Variants in TECPR2 observed in about 807,000 individuals in gnomAD.
TECPR2 encodes the protein tectonin beta-propeller repeat-containing protein 2.
A neutral mutation model predicts 138.1 loss-of-function variants in TECPR2; 65 were observed. The observed-to-expected ratio is 0.47, with a 90% confidence interval of 0.39 to 0.58. TECPR2 has a LOEUF of 0.58. Among genes scored for constraint, TECPR2 ranks in the 20% least tolerant of loss-of-function variants. The pLI is 0.00. For synonymous variants in TECPR2, 746 were observed against 749.8 expected (o/e 0.99, Z 0.08); for missense variants, 1,553 against 1,824.5 (o/e 0.85, Z 2.71).
chr14:102,366,280 G>C (rs893319894), intron 1 of TECPR2, among the ~76,000 whole-genome samples: 1 of 152,136 alleles, frequency 6.6e-6, no homozygotes, highest in Non-Finnish European at 1.5e-5. Context: ...GGATGCCATA[G>C]GGTGGTGTTT....
rs748689796 is a variant in TECPR2 at position 102,497,101 on chromosome 14, C to G, written c.3912C>G (p.Thr1304=). 6.2e-7 allele frequency: 1 copy of G among 1,612,022 alleles called. No homozygotes were observed. Among genetic ancestry groups the G allele is most frequent in the Non-Finnish European group, 8.5e-7 (1 of 1,179,918 alleles). ...TGITEEMPVG[T]AWEHVPGLQA... is the part of the protein sequence containing the mutation. ...TCACCGAGGAGATGCCTGTGGGGAC[C>G]GCCTGGGAGCATGTGCCAGGTAGGA... The change falls in exon 18 of 20, where the codon ACC becomes ACG. Residue 1304 remains threonine, a synonymous_variant. Coordinates refer to ENST00000359520, the MANE Select transcript of TECPR2 (RefSeq NM_014844.5).
rs756015910 is a variant in TECPR2, at chr14:102,438,217, C to T, written c.2578+12C>T. ...AGTCTCGCCCTCAGGTTCGCCTCCC[C>T]GCTCCCTGCTCCCGCTCCCTGCTCC... On this transcript the variant is annotated intron_variant, in intron 10 of 19. Transcript: ENST00000359520. 7 of 871,482 alleles carry T rather than the reference C, an allele frequency of 8.0e-6. No homozygotes were observed. Among genetic ancestry groups the T allele is most frequent in the East Asian group, 3.1e-5 (1 of 32,644 alleles). The allele number at this position is 871,482 out of a possible 1,614,324, so 54.0% of individuals were successfully genotyped here.
At chr14:102,424,920 A>T in intron 5 of TECPR2, 59 bp from the exon 6 acceptor site, 2 of 1,490,392 alleles carry the variant, frequency 1.3e-6, no homozygotes, top group South Asian at 2.6e-5. Flanking sequence ...TGACAACTGC[A>T]TTACTTTAAA....
chr14:102,434,030 T>C (rs2139730068), intron 8 of TECPR2, among the ~76,000 whole-genome samples: 1 of 152,300 alleles, frequency 6.6e-6, no homozygotes, highest in African/African-American at 2.4e-5. Context: ...TTAGCTGCCC[T>C]CAAACCCATG....
At chr14:102,448,686 T>G (rs150805916) in intron 13 of TECPR2, among the ~76,000 whole-genome samples, 1 of 150,844 alleles carries the variant, frequency 6.6e-6, no homozygotes, top group African/African-American at 2.4e-5. Context: ...GCCAACATGG[T>G]GAAACCCCAT....
intron 2 of TECPR2, among the ~76,000 whole-genome samples, chr14:102,386,072 A>G (rs1476400804): frequency 6.6e-6 from 1 of 152,210 alleles, no homozygotes; most frequent in Admixed American, 6.5e-5. Flanking sequence ...GCTGGGGCCA[A>G]AATCCATACT....
intron 1 of TECPR2, 37 bp from the exon 2 acceptor site, chr14:102,376,605 TGCCATGAC>T: frequency 2.3e-6 from 2 of 873,640 alleles, no homozygotes; most frequent in Admixed American, 2.2e-5. Flanking sequence ...TACTTCTTTT[TGCCATGAC>T]TAGGCATTGA....
At chr14:102,458,551 G>A (rs920876268) in intron 16 of TECPR2, among the ~76,000 whole-genome samples, 3 of 152,084 alleles carry the variant, frequency 2.0e-5, no homozygotes, top group African/African-American at 7.2e-5. Context: ...GCCACTCCTG[G>A]CCTTTGTGTT....
intron 5 of TECPR2, among the ~76,000 whole-genome samples, chr14:102,423,104 C>CCA (rs1412454199): frequency 6.6e-6 from 1 of 152,134 alleles, no homozygotes; most frequent in Admixed American, 6.6e-5. Flanking sequence ...CTTGTCCAAC[C>CCA]CACGGCCCAA....
intron 17 of TECPR2, among the ~76,000 whole-genome samples, chr14:102,467,119 C>T (rs1567354459): frequency 6.6e-6 from 1 of 152,106 alleles, no homozygotes; most frequent in Non-Finnish European, 1.5e-5. Flanking sequence ...AATAATGCTG[C>T]TGTCAACATA....
Position 102,443,691 on chromosome 14 carries a change from T to C in TECPR2, c.2797T>C (p.Cys933Arg). 6.2e-7 allele frequency: 1 copy of C among 1,608,884 alleles called. No homozygotes were observed. The highest frequency in any genetic ancestry group is 8.5e-7 in the Non-Finnish European group (1 of 1,176,244). ...RPCARAVKVDCPYPLSQITAR... is the reference protein window; with the variant it reads ...RPCARAVKVDRPYPLSQITAR... ...TTGTGCCAGAGCCGTAAAGGTGGAC[T>C]GTCCCTACCCGCTGTCCCAGATCAC... The change falls in exon 12 of 20, where the codon TGT (cysteine) becomes CGT (arginine). Residue 933 changes from cysteine (C) to arginine (R), a missense_variant. Coordinates refer to ENST00000359520, the MANE Select transcript of TECPR2 (RefSeq NM_014844.5). This position sits in a 1 kb window ranked among gnomAD's most constrained non-coding sequence, Gnocchi z 4.9.
intron 4 of TECPR2, among the ~76,000 whole-genome samples, chr14:102,412,486 T>A (rs75449004): frequency 0.038 from 5,712 of 152,118 alleles, 119 homozygotes; most frequent in Middle Eastern, 0.092. Context: ...TCAACATCAT[T>A]GTAATCGGGA....
At chr14:102,466,648 AT>A (rs1297551931) in intron 17 of TECPR2, among the ~76,000 whole-genome samples, 1 of 151,924 alleles carries the variant, frequency 6.6e-6, no homozygotes, top group Non-Finnish European at 1.5e-5. Flanking sequence ...ACAACTTTAT[AT>A]TTTTCCTTTT....
At chr14:102,485,740 A>C (rs1000479447) in intron 17 of TECPR2, among the ~76,000 whole-genome samples, 1 of 152,216 alleles carries the variant, frequency 6.6e-6, no homozygotes, top group African/African-American at 2.4e-5. Flanking sequence ...AGCAGAGCCC[A>C]GAGATCATCT....
chr14:102,440,999 C>T (rs1413498270), intron 11 of TECPR2, among the ~76,000 whole-genome samples: 9 of 150,650 alleles, frequency 6.0e-5, no homozygotes, highest in African/African-American at 2.2e-4. Flanking sequence ...TTTTTTTTTT[C>T]AGCCATATCA....
At chr14:102,365,125 T>C (rs1887308962) in intron 1 of TECPR2, among the ~76,000 whole-genome samples, 1 of 152,218 alleles carries the variant, frequency 6.6e-6, no homozygotes, top group Non-Finnish European at 1.5e-5. Context: ...GCACAGTGCT[T>C]TGAGAGAGAG....
chr14:102,436,079 C>G (rs187308518), intron 9 of TECPR2, among the ~76,000 whole-genome samples: 6 of 152,266 alleles, frequency 3.9e-5, no homozygotes, highest in African/African-American at 1.2e-4. Flanking sequence ...AGGTTTAACT[C>G]TTTTACTTCT....
At position 102,425,154 on chromosome 14, in the gene TECPR2, C is replaced by G. The variant is rs1567334812; in HGVS notation, c.814C>G (p.Pro272Ala). The change falls in exon 6 of 20, where the codon CCG becomes GCG. Residue 272 changes from proline (P) to alanine (A), a missense_variant. Coordinates refer to ENST00000359520, the MANE Select transcript of TECPR2 (RefSeq NM_014844.5). ...GGGAGTCAAGCCTTTTGAACTGCAC[C>G]CGCGTCTGGAATCCCCCAACAGTGG... ...AGGVKPFELH[P>A]RLESPNSGSC... 1.2e-6 allele frequency: 2 copies of G among 1,614,064 alleles called. No homozygotes were observed. The highest frequency in any genetic ancestry group is 8.5e-7 in the Non-Finnish European group (1 of 1,180,024).
rs930759786 is a variant in TECPR2 at position 102,500,963 on chromosome 14, G to A, written c.*2706G>A. The A allele has an allele frequency of 6.6e-6, 1 of 152,300 alleles. No homozygotes were observed. The highest frequency in any genetic ancestry group is 6.5e-5 in the Admixed American group (1 of 15,284). 9.4% of individuals were successfully genotyped at this position (152,300 alleles called of 1,614,324 possible). A position where few individuals can be genotyped will look rare whatever the true frequency, so the allele number is the denominator to read the frequency against. ...AGCACTGGGACTGGAAGCCAGCTCTGTAGAACTGCAGACCTGTGCTGTTTG... is the reference window on the plus strand; with the variant it reads ...AGCACTGGGACTGGAAGCCAGCTCTATAGAACTGCAGACCTGTGCTGTTTG... On this transcript the variant is annotated 3_prime_UTR_variant, in exon 20 of 20. Coordinates refer to ENST00000359520, the MANE Select transcript of TECPR2 (RefSeq NM_014844.5).
Sources: allele counts gnomAD v4.1 joint callset (sites outside exome capture counted in the v4.1 genomes callset), GRCh38; gene constraint gnomAD v4.1.1; non-coding constraint Gnocchi (gnomAD v3.1); transcripts MANE v1.5; gene names NCBI Gene and HGNC (gene_info 2026-07-23, HGNC 2026-07-21).